GALNT13: variants seen among roughly 807,000 people sequenced by gnomAD.
GALNT13 encodes UDP-GalNAc:polypeptide N-acetylgalactosaminyltransferase 13.
GALNT13 carries 28 observed loss-of-function variants against 64.2 expected under a neutral mutation model. The ratio of observed to expected loss-of-function variants is 0.44; its 90% CI spans 0.32 to 0.60. The LOEUF (loss-of-function observed/expected upper bound fraction) is 0.60, where lower values mean the gene tolerates loss of function less well. Among genes scored for constraint, GALNT13 ranks in the 20% least tolerant of loss-of-function variants. The probability of loss-of-function intolerance (pLI) is 0.05; values close to 1 mark genes in which losing one functional copy is unlikely to be tolerated. For missense variants in GALNT13, 577 were observed against 669.8 expected (o/e 0.86, Z 1.53); for synonymous variants, 214 against 224.6 (o/e 0.95, Z 0.42).
the GALNT13 span, among the ~76,000 whole-genome samples, chr2:153,474,158 T>A: frequency 6.6e-6 from 1 of 152,234 alleles, no homozygotes; most frequent in African/African-American, 2.4e-5. Flanking sequence ...ACTGGAAAGA[T>A]AAAATATATT....
chr2:153,962,502 A>G (rs1693016212), intron 3 of GALNT13, among the ~76,000 whole-genome samples: 1 of 152,194 alleles, frequency 6.6e-6, no homozygotes, highest in Admixed American at 6.5e-5. Context: ...GAAAATAATA[A>G]AGTAATAATG....
At chr2:154,320,273 G>GGAA (rs1481046011) in intron 9 of GALNT13, among the ~76,000 whole-genome samples, 1 of 152,092 alleles carries the variant, frequency 6.6e-6, no homozygotes, top group Non-Finnish European at 1.5e-5. Context: ...TGTCAAGGGA[G>GGAA]AATAAGGAAA....
At chr2:153,285,657 G>A in the GALNT13 span, among the ~76,000 whole-genome samples, 1 of 152,116 alleles carries the variant, frequency 6.6e-6, no homozygotes, top group Non-Finnish European at 1.5e-5. Flanking sequence ...TATAGAATAT[G>A]TACTGCAAAT....
At chr2:153,535,902 G>A in the GALNT13 span, among the ~76,000 whole-genome samples, 3 of 152,150 alleles carry the variant, frequency 2.0e-5, no homozygotes, top group Non-Finnish European at 4.4e-5. Flanking sequence ...AAGTCTCACA[G>A]AAGGGAAGAA....
the GALNT13 span, among the ~76,000 whole-genome samples, chr2:153,382,155 C>G: frequency 1.3e-5 from 2 of 151,978 alleles, no homozygotes; most frequent in Non-Finnish European, 2.9e-5. Flanking sequence ...CAATTTCCTC[C>G]CTAATCCAGA....
the GALNT13 span, among the ~76,000 whole-genome samples, chr2:153,670,441 G>C: frequency 1.3e-5 from 2 of 152,200 alleles, no homozygotes; most frequent in Non-Finnish European, 2.9e-5. Context: ...AACTCCAACA[G>C]ACCTGCAGCT....
chr2:154,114,805 C>T (rs1226411334), intron 3 of GALNT13, among the ~76,000 whole-genome samples: 1 of 152,140 alleles, frequency 6.6e-6, no homozygotes, highest in African/African-American at 2.4e-5. Context: ...GATTAATTAG[C>T]TAATGCCCAA....
chr2:153,942,063 T>C (rs575867033), intron 2 of GALNT13, among the ~76,000 whole-genome samples: 28 of 152,318 alleles, frequency 1.8e-4, no homozygotes, highest in Non-Finnish European at 3.4e-4. Context: ...ATGACTTATC[T>C]TAGACATTTC....
chr2:154,312,385 T>G (rs1007687619), intron 9 of GALNT13, among the ~76,000 whole-genome samples: 6 of 152,194 alleles, frequency 3.9e-5, no homozygotes, highest in Non-Finnish European at 8.8e-5. Flanking sequence ...TCTAATGACA[T>G]TGGGATTTCT....
chr2:153,941,985 A>G (rs1691369066), intron 2 of GALNT13, among the ~76,000 whole-genome samples: 1 of 152,134 alleles, frequency 6.6e-6, no homozygotes, highest in Non-Finnish European at 1.5e-5. Flanking sequence ...TGTAATTTTG[A>G]CTTTTTATCA....
chr2:154,188,014 TTC>T (rs10635676), intron 4 of GALNT13, among the ~76,000 whole-genome samples: 8,481 of 144,210 alleles, frequency 0.059, 588 homozygotes, highest in African/African-American at 0.17. Flanking sequence ...GCATCAGGCA[TTC>T]TCTCTCTCTC....
At chr2:154,369,111 T>A (rs971450736) in intron 9 of GALNT13, among the ~76,000 whole-genome samples, 5 of 151,362 alleles carry the variant, frequency 3.3e-5, no homozygotes, top group East Asian at 2.0e-4. Context: ...GGAAAAAAAA[T>A]GTTTCAAATA....
At chr2:154,107,998 G>GTGTGT (rs1337846434) in intron 3 of GALNT13, among the ~76,000 whole-genome samples, 3 of 151,834 alleles carry the variant, frequency 2.0e-5, no homozygotes, top group Admixed American at 6.6e-5. Context: ...TTATTCATTT[G>GTGTGT]TGTGTTGTTG....
the GALNT13 span, among the ~76,000 whole-genome samples, chr2:153,502,252 C>A: frequency 1.3e-5 from 2 of 152,150 alleles, no homozygotes; most frequent in African/African-American, 4.8e-5. Flanking sequence ...CCCACCCCTT[C>A]CCCCAAGCTC....
At chr2:153,885,500 G>A (rs1038993193) in intron 1 of GALNT13, among the ~76,000 whole-genome samples, 2 of 151,900 alleles carry the variant, frequency 1.3e-5, no homozygotes, top group Non-Finnish European at 2.9e-5. Flanking sequence ...ATTACAAGAT[G>A]ATTGTTTAAA....
At chr2:153,740,648 T>C in the GALNT13 span, among the ~76,000 whole-genome samples, 2 of 152,122 alleles carry the variant, frequency 1.3e-5, no homozygotes, top group African/African-American at 4.8e-5. Flanking sequence ...CTGTTTCCTT[T>C]TTTTGTGGAG....
intron 7 of GALNT13, among the ~76,000 whole-genome samples, chr2:154,252,647 C>T (rs2105890244): frequency 6.6e-6 from 1 of 152,116 alleles, no homozygotes; most frequent in African/African-American, 2.4e-5. Context: ...TGAGCCACCA[C>T]TCCCCGCTAG....
At chr2:153,117,049 T>C in the GALNT13 span, among the ~76,000 whole-genome samples, 1 of 152,030 alleles carries the variant, frequency 6.6e-6, no homozygotes, top group Non-Finnish European at 1.5e-5. Context: ...TCCACCCGCC[T>C]AGGCCTCCCA....
intron 3 of GALNT13, among the ~76,000 whole-genome samples, chr2:154,110,073 G>C (rs571928964): frequency 1.3e-5 from 2 of 151,430 alleles, no homozygotes; most frequent in South Asian, 2.1e-4. Flanking sequence ...TAAATGTTTC[G>C]TAGAATTCAG....
Sources: allele counts gnomAD v4.1 joint callset (sites outside exome capture counted in the v4.1 genomes callset), GRCh38; gene constraint gnomAD v4.1.1; transcripts MANE v1.5; gene names NCBI Gene and HGNC (gene_info 2026-07-23, HGNC 2026-07-21).